The following DNAAF9 variants were observed in gnomAD, a reference collection of about 807,000 sequenced individuals.
DNAAF9 encodes dynein axonemal assembly factor 9.
A neutral mutation model predicts 167.0 loss-of-function variants in DNAAF9; 90 were observed. That is an observed-to-expected ratio of 0.54 (90% CI 0.45 to 0.64). The LOEUF (loss-of-function observed/expected upper bound fraction) is 0.64. DNAAF9 is among the 30% of genes least tolerant of loss of function. The pLI, the probability that DNAAF9 is intolerant of heterozygous loss-of-function variation, is 0.00. For synonymous variants in DNAAF9, 491 were observed against 508.8 expected, an observed-to-expected ratio of 0.96 and a Z score of 0.47; for missense variants, 1,315 against 1,442.2, an observed-to-expected ratio of 0.91 and a Z score of 1.43.
rs761222614 is a variant in DNAAF9 at position 3,343,735 on chromosome 20, A to C, written c.790-4T>G. ...GACTGAAATAACTTCTGAATGGCTA[A>C]AAAGAAGCCAACATTGTATATATTA... On this transcript the variant is annotated splice_polypyrimidine_tract_variant and splice_region_variant and intron_variant, in intron 8 of 36. Coordinates refer to ENST00000252032, the MANE Select transcript of DNAAF9 (RefSeq NM_001009984.3). 1 of 1,609,010 alleles carries C rather than the reference A, an allele frequency of 6.2e-7. No individual in the cohort carries two copies. Among genetic ancestry groups the C allele is most frequent in the Non-Finnish European group, 8.5e-7 (1 of 1,175,632 alleles).
intron 20 of DNAAF9, chr20:3,307,127 G>T: frequency 2.0e-6 from 2 of 984,978 alleles, no homozygotes; most frequent in Non-Finnish European, 2.4e-6. Flanking sequence ...TACTCAATAG[G>T]AAGATGGGAA....
At position 3,319,082 on chromosome 20, in the gene DNAAF9, CAAAAAAAAAAAA is replaced by C. The variant is rs71195834; in HGVS notation, c.1357-694_1357-683del. 1.4e-4 allele frequency among the ~76,000 whole-genome samples: 10 copies of C among 71,136 alleles called. No individual in the cohort carries two copies. In the Admixed American group the frequency reaches 1.7e-3, roughly 12 times the overall value. The allele number at this position is 71,136 out of a possible 152,430, so 46.7% of individuals were successfully genotyped here. A position where few individuals can be genotyped will look rare whatever the true frequency, so the allele number is the denominator to read the frequency against. The stretch of plus-strand genomic sequence containing the variant: ...TGGGCAACAGAGCAAGACTCTGTCT[CAAAAAAAAAAAA>C]AAAAAAAAAAGAAAAAAAAATAGCC... On this transcript the variant is annotated intron_variant, in intron 16 of 36. Transcript: ENST00000252032.
chr20:3,289,704 G>T (rs938970025), intron 26 of DNAAF9, among the ~76,000 whole-genome samples: 1 of 151,908 alleles, frequency 6.6e-6, no homozygotes, highest in Admixed American at 6.6e-5. Context: ...ATTTTTGTAG[G>T]TTTTGCCATG....
At chr20:3,284,155 C>T (rs79792895) in intron 27 of DNAAF9, among the ~76,000 whole-genome samples, 9,199 of 150,368 alleles carry the variant, frequency 0.061, 367 homozygotes, top group Non-Finnish European at 0.081. Flanking sequence ...GGAAGCACCA[C>T]GCTCAAGTTA....
In DNAAF9 at chr20:3,250,820, C is replaced by T. The variant is rs1453538255; in HGVS notation, c.*1752G>A. ...TGGCCTGTGGTTCCCACCCCCCAACCCCTTTTCTAAGGCTGCTCAAGTTTG... is the reference window on the plus strand; with the variant it reads ...TGGCCTGTGGTTCCCACCCCCCAACTCCTTTTCTAAGGCTGCTCAAGTTTG... On this transcript the variant is annotated 3_prime_UTR_variant, in exon 37 of 37. Coordinates refer to ENST00000252032, the MANE Select transcript of DNAAF9 (RefSeq NM_001009984.3). The T allele has an allele frequency of 1.3e-5, 2 of 152,196 alleles. No homozygotes were observed. Among genetic ancestry groups the T allele is most frequent in the Non-Finnish European group, 2.9e-5 (2 of 68,062 alleles). The allele number at this position is 152,196 out of a possible 1,614,324, so 9.4% of individuals were successfully genotyped here.
chr20:3,301,897 C>A (rs2069195915), intron 21 of DNAAF9, among the ~76,000 whole-genome samples: 1 of 151,740 alleles, frequency 6.6e-6, no homozygotes, highest in Non-Finnish European at 1.5e-5. Context: ...ATGTTTTTCC[C>A]AATTTTAAAA....
intron 31 of DNAAF9, among the ~76,000 whole-genome samples, chr20:3,263,649 G>A (rs2068433430): frequency 6.6e-6 from 1 of 152,122 alleles, no homozygotes; most frequent in Non-Finnish European, 1.5e-5. Context: ...GTGTAAATGA[G>A]ACAACACAAA....
intron 22 of DNAAF9, among the ~76,000 whole-genome samples, chr20:3,297,741 T>C (rs2069107138): frequency 6.6e-6 from 1 of 152,150 alleles, no homozygotes; most frequent in African/African-American, 2.4e-5. Context: ...AACAATTCAA[T>C]AAAGTAGCTA....
At chr20:3,337,033 C>T (rs181349264) in intron 10 of DNAAF9, among the ~76,000 whole-genome samples, 60 of 151,868 alleles carry the variant, frequency 4.0e-4, no homozygotes, top group Middle Eastern at 3.4e-3. Context: ...GAGCCTGCCA[C>T]CACACCCAGC....
chr20:3,374,947 C>T (rs1419838741), intron 5 of DNAAF9, 83 bp downstream of exon 5: 63 of 730,768 alleles, frequency 8.6e-5, no homozygotes, highest in Non-Finnish European at 1.9e-5. Context: ...CAGCTGAATG[C>T]CCCCAATGAA....
chr20:3,298,532 C>A (rs922570225), intron 21 of DNAAF9, among the ~76,000 whole-genome samples: 1 of 152,116 alleles, frequency 6.6e-6, no homozygotes, highest in Non-Finnish European at 1.5e-5. Flanking sequence ...GTTGCCCAGG[C>A]TGGTCTCAAA....
chr20:3,287,232 G>A (rs1051623472), intron 27 of DNAAF9, among the ~76,000 whole-genome samples: 2 of 152,180 alleles, frequency 1.3e-5, no homozygotes, highest in Non-Finnish European at 1.5e-5. Flanking sequence ...TCCAGGGCAT[G>A]GTGAAGCTGG....
At chr20:3,372,095 T>C (rs2083518074) in intron 6 of DNAAF9, among the ~76,000 whole-genome samples, 2 of 152,372 alleles carry the variant, frequency 1.3e-5, no homozygotes, top group African/African-American at 4.8e-5. Context: ...CTAATGACTT[T>C]CTTCTGGGTA....
rs1226943438 is a variant in DNAAF9 at position 3,250,940 on chromosome 20, A to G, written c.*1632T>C. On this transcript the variant is annotated 3_prime_UTR_variant, in exon 37 of 37. Coordinates refer to ENST00000252032, the MANE Select transcript of DNAAF9 (RefSeq NM_001009984.3). ...TTAAGATCTATGTTACTGATTCTGA[A>G]GCGAGGCAAGCCCTTGACGGACCGC... 2 of 152,204 alleles carry G rather than the reference A, an allele frequency of 1.3e-5. No individual in the cohort carries two copies. The highest frequency in any genetic ancestry group is 2.4e-5 in the African/African-American group (1 of 41,456). 9.4% of individuals were successfully genotyped at this position (152,204 alleles called of 1,614,324 possible).
chr20:3,330,906 C>T (rs1040237134), intron 11 of DNAAF9, among the ~76,000 whole-genome samples: 6 of 151,914 alleles, frequency 3.9e-5, no homozygotes, highest in African/African-American at 1.5e-4. Context: ...ATTCTCCTGC[C>T]TCAGCCTCCT....
chr20:3,295,626 G>C (rs1337394045), intron 23 of DNAAF9: 3 of 451,480 alleles, frequency 6.6e-6, no homozygotes, highest in Non-Finnish European at 1.3e-5. Context: ...GAGAGGGAGC[G>C]TGAGGATGGG....
chr20:3,363,761 ATTCT>A (rs1249210622), intron 6 of DNAAF9, among the ~76,000 whole-genome samples: 1 of 152,086 alleles, frequency 6.6e-6, no homozygotes, highest in Non-Finnish European at 1.5e-5. Flanking sequence ...ATGACTTTGG[ATTCT>A]TTATTTTCTC....
At chr20:3,258,640 A>G (rs1251479945) in intron 33 of DNAAF9, among the ~76,000 whole-genome samples, 3 of 152,120 alleles carry the variant, frequency 2.0e-5, no homozygotes, top group East Asian at 1.9e-4. Context: ...CTTGGCAACC[A>G]TAAGGGGCAG....
Position 3,296,926 on chromosome 20 carries a change from C to T in DNAAF9, c.1953G>A (p.Gln651=), listed in dbSNP as rs761306861. 4 of 1,609,680 alleles carry T rather than the reference C, an allele frequency of 2.5e-6. No individual in the cohort carries two copies. In the East Asian group the frequency reaches 6.7e-5, roughly 27 times the overall value. The change falls in exon 23 of 37, where the codon CAG becomes CAA. Residue 651 remains glutamine, a synonymous_variant. Transcript: ENST00000252032. The part of the protein sequence containing the change: ...YSEVFSLWKQ[Q]DNSGISLKVI... The stretch of plus-strand genomic sequence containing the variant: ...CTTTTAAAGAGATCCCTGAGTTATC[C>T]TGCTGTTTCCAGAGGGAGAAGACCT...
Sources: gnomAD v4.1 joint callset for allele counts (sites outside exome capture counted in the v4.1 genomes callset) on GRCh38, gnomAD v4.1.1 for gene constraint, MANE v1.5 for transcripts, NCBI Gene and HGNC (gene_info 2026-07-23, HGNC 2026-07-21) for gene names.